GMDS: variants seen among roughly 807,000 people sequenced by gnomAD.
GMDS encodes GDP-mannose 4,6 dehydratase.
In GMDS, 20 loss-of-function variants were observed where a neutral mutation model predicts 49.9. The ratio of observed to expected loss-of-function variants is 0.40; its 90% CI spans 0.28 to 0.58. The LOEUF (loss-of-function observed/expected upper bound fraction) is 0.58, where lower values mean the gene tolerates loss of function less well. Among genes scored for constraint, GMDS ranks in the 20% least tolerant of loss-of-function variants. The probability of loss-of-function intolerance (pLI) is 0.42; values close to 1 mark genes in which losing one functional copy is unlikely to be tolerated. For missense variants in GMDS, 362 were observed against 481.4 expected, an observed-to-expected ratio of 0.75 and a Z score of 2.32; for synonymous variants, 177 against 178.6, an observed-to-expected ratio of 0.99 and a Z score of 0.07.
At chr6:1,912,425 A>G in intron 7 of GMDS, among the ~76,000 whole-genome samples, 1 of 152,228 alleles carries the variant, frequency 6.6e-6, no homozygotes, top group East Asian at 1.9e-4. Context: ...CCAACTTTTT[A>G]GAGTTCTTTC....
chr6:2,209,702 A>G (rs929458924), intron 1 of GMDS, among the ~76,000 whole-genome samples: 3 of 152,164 alleles, frequency 2.0e-5, no homozygotes, highest in African/African-American at 7.2e-5. Context: ...TAAAACCTCT[A>G]GAAGCCAGTA....
chr6:2,116,773 G>A (rs1229706065), intron 3 of GMDS, among the ~76,000 whole-genome samples: 2 of 152,182 alleles, frequency 1.3e-5, no homozygotes, highest in Non-Finnish European at 2.9e-5. Context: ...GCTGAACTTG[G>A]AGTTAAAATC....
chr6:2,117,403 A>G, intron 3 of GMDS, 66 bp downstream of exon 3: 1 of 931,394 alleles, frequency 1.1e-6, no homozygotes, highest in East Asian at 2.4e-5. Context: ...AAAACACCTT[A>G]TCTGAACATA....
rs981607177 is a variant in GMDS, at chr6:1,877,561, C to T, written c.771+52542G>A. Among the ~76,000 whole-genome samples, 6 of 150,996 alleles carry T rather than the reference C, an allele frequency of 4.0e-5. 1 individual carries two copies. The Middle Eastern group carries it at 0.017, about 431-fold the overall frequency. The stretch of plus-strand genomic sequence containing the variant: ...GTTGAGGAGGGAGGATCACTTGAGC[C>T]CAGGAATTTGAGGCTGCAGTGAGCT... On this transcript the variant is annotated intron_variant, in intron 7 of 10. Transcript: ENST00000380815.
intron 4 of GMDS, among the ~76,000 whole-genome samples, chr6:2,098,337 C>T (rs1429483155): frequency 1.3e-4 from 20 of 152,166 alleles, no homozygotes; most frequent in Non-Finnish European, 2.4e-4. Flanking sequence ...GGATTACAGG[C>T]GTAAGCCACC....
chr6:1,640,298 A>G lies in GMDS; in HGVS notation c.988-15758T>C, dbSNP rs1310833381. ...TGAAACTGTGCCCGTGGAGAAGCAC[A>G]TGGGATTTAGGGTCACAGAGACTTA... On this transcript the variant is annotated intron_variant, in intron 9 of 10. Coordinates refer to ENST00000380815, the MANE Select transcript of GMDS (RefSeq NM_001500.4). The surrounding 1 kb of genome is among the most constrained non-coding windows in gnomAD (Gnocchi z 4.0). Among the ~76,000 whole-genome samples, 1 of 152,138 alleles carries G rather than the reference A, an allele frequency of 6.6e-6. No individual in the cohort carries two copies. The highest frequency in any genetic ancestry group is 1.5e-5 in the Non-Finnish European group (1 of 68,032).
intron 4 of GMDS, among the ~76,000 whole-genome samples, chr6:2,043,654 C>T (rs1356155341): frequency 6.6e-6 from 1 of 152,106 alleles, no homozygotes; most frequent in Non-Finnish European, 1.5e-5. Flanking sequence ...GCACGTGATA[C>T]TCACACTATA....
chr6:2,002,504 A>C (rs1173019922), intron 4 of GMDS, among the ~76,000 whole-genome samples: 1 of 152,224 alleles, frequency 6.6e-6, no homozygotes, highest in African/African-American at 2.4e-5. Flanking sequence ...ATCTAATGAA[A>C]AGGAATTAAT....
At chr6:1,859,912 A>G (rs1177762921) in intron 7 of GMDS, among the ~76,000 whole-genome samples, 1 of 152,256 alleles carries the variant, frequency 6.6e-6, no homozygotes, top group Non-Finnish European at 1.5e-5. Context: ...AAAATAATAC[A>G]TAGGTAAAAA....
chr6:2,243,769 T>A (rs111687588), intron 1 of GMDS, among the ~76,000 whole-genome samples: 1,833 of 149,852 alleles, frequency 0.012, 11 homozygotes, highest in Admixed American at 0.018. Flanking sequence ...TAACCAGCAG[T>A]AAATCAGGTA....
chr6:1,998,157 A>G (rs537533484), intron 4 of GMDS, among the ~76,000 whole-genome samples: 2 of 152,324 alleles, frequency 1.3e-5, no homozygotes, highest in African/African-American at 4.8e-5. Flanking sequence ...AAAAATAATG[A>G]AAGAACAAAT....
intron 7 of GMDS, among the ~76,000 whole-genome samples, chr6:1,837,119 TA>T (rs1292381348): frequency 1.1e-4 from 16 of 152,258 alleles, no homozygotes; most frequent in African/African-American, 3.9e-4. Context: ...TAAATTGCAT[TA>T]AAATGTGTAG....
chr6:1,718,145 TC>T (rs562589197), intron 9 of GMDS, among the ~76,000 whole-genome samples: 87 of 152,140 alleles, frequency 5.7e-4, no homozygotes, highest in African/African-American at 2.1e-3. Context: ...ACACTCTTTT[TC>T]CCCCCTAGAA....
intron 9 of GMDS, among the ~76,000 whole-genome samples, chr6:1,646,959 C>A (rs1479566070): frequency 6.6e-6 from 1 of 152,180 alleles, no homozygotes; most frequent in African/African-American, 2.4e-5. Flanking sequence ...ACAAAAAGAC[C>A]ACCTTGATGG....
At chr6:2,004,343 G>A (rs1036074831) in intron 4 of GMDS, among the ~76,000 whole-genome samples, 9 of 151,974 alleles carry the variant, frequency 5.9e-5, no homozygotes, top group East Asian at 3.9e-4. Flanking sequence ...TCAAGACGCC[G>A]CTATTTATTA....
At chr6:1,630,194 G>A (rs1379832863) in intron 9 of GMDS, among the ~76,000 whole-genome samples, 2 of 152,228 alleles carry the variant, frequency 1.3e-5, no homozygotes, top group African/African-American at 4.8e-5. Flanking sequence ...ATTTAAGCAA[G>A]TTAACTTCCT....
chr6:1,820,813 C>T (rs2113702723), intron 7 of GMDS, among the ~76,000 whole-genome samples: 1 of 152,282 alleles, frequency 6.6e-6, no homozygotes, highest in South Asian at 2.1e-4. Flanking sequence ...ATGATGCATT[C>T]CCCTAAATTC....
chr6:1,999,995 ATTATATATATATATTTTT>A (rs1206948847), intron 4 of GMDS, among the ~76,000 whole-genome samples: 5 of 14,826 alleles, frequency 3.4e-4, no homozygotes, highest in South Asian at 2.7e-3. Context: ...ATATATATAT[ATTATATATATATATTTTT>A]TATATATATA....
intron 4 of GMDS, among the ~76,000 whole-genome samples, chr6:2,027,522 G>C (rs1205404917): frequency 2.6e-5 from 4 of 152,138 alleles, no homozygotes. Flanking sequence ...AAAAGTGTTA[G>C]GGTTTGGAAT....
Sources: allele counts gnomAD v4.1 joint callset (sites outside exome capture counted in the v4.1 genomes callset), GRCh38; gene constraint gnomAD v4.1.1; non-coding constraint Gnocchi (gnomAD v3.1); transcripts MANE v1.5; gene names NCBI Gene and HGNC (gene_info 2026-07-23, HGNC 2026-07-21).